TMPRSS15: variants seen among roughly 807,000 people sequenced by gnomAD.
TMPRSS15 encodes the protein enteropeptidase.
TMPRSS15 carries 128 observed loss-of-function variants against 125.3 expected under a neutral mutation model. That is an observed-to-expected ratio of 1.02 (90% confidence interval 0.89 to 1.18). The LOEUF (loss-of-function observed/expected upper bound fraction) is 1.18, where lower values mean the gene tolerates loss of function less well. TMPRSS15 is among the 50% of genes most tolerant of loss of function. The pLI is 0.00. For missense variants in TMPRSS15, 1,283 were observed against 1,212.7 expected, an observed-to-expected ratio of 1.06 and a Z score of -0.86; for synonymous variants, 446 against 423.2, an observed-to-expected ratio of 1.05 and a Z score of -0.66.
At chr21:18,275,779 T>C (rs1000686082) in intron 23 of TMPRSS15, among the ~76,000 whole-genome samples, 1 of 152,212 alleles carries the variant, frequency 6.6e-6, no homozygotes, top group Non-Finnish European at 1.5e-5. Flanking sequence ...TGGTGCTATG[T>C]GAGTGAGCAG....
intron 1 of TMPRSS15, among the ~76,000 whole-genome samples, chr21:18,482,901 A>G (rs1979009964): frequency 6.6e-6 from 1 of 151,788 alleles, no homozygotes; most frequent in Non-Finnish European, 1.5e-5. Context: ...ATTAATATGT[A>G]ACTATTTCCT....
intron 15 of TMPRSS15, 107 bp from the exon 16 acceptor site, chr21:18,326,679 A>G (rs2075294834): frequency 7.6e-7 from 1 of 1,322,772 alleles, no homozygotes; most frequent in African/African-American, 1.4e-5. Flanking sequence ...TACATGTTAC[A>G]TGGCTCGCTC....
rs549711427 is a variant in TMPRSS15, at chr21:18,296,176, T to A, written c.2262-1524A>T. ...TCAAAAAAAGAAAAAAAATAAAGAA[T>A]CAGCATATAGGTCAGTAGATTTTTA... is the stretch of plus-strand genomic sequence containing the variant. On this transcript the variant is annotated intron_variant, in intron 19 of 24. Coordinates refer to ENST00000284885, the MANE Select transcript of TMPRSS15 (RefSeq NM_002772.3). Among the ~76,000 whole-genome samples the A allele has an allele frequency of 1.1e-3, 173 of 152,122 alleles. 1 individual carries two copies. Among genetic ancestry groups the A allele is most frequent in the African/African-American group, 4.0e-3 (167 of 41,508 alleles).
chr21:18,419,450 C>T (rs2076187610), intron 1 of TMPRSS15, among the ~76,000 whole-genome samples: 1 of 152,116 alleles, frequency 6.6e-6, no homozygotes, highest in African/African-American at 2.4e-5. Context: ...TGGTCTCGAT[C>T]TCCTGACATC....
At chr21:18,482,772 A>T (rs1175318528) in intron 1 of TMPRSS15, among the ~76,000 whole-genome samples, 1 of 151,572 alleles carries the variant, frequency 6.6e-6, no homozygotes, top group East Asian at 1.9e-4. Flanking sequence ...TTTTCCTTAT[A>T]TTAGTCTAGG....
intron 21 of TMPRSS15, among the ~76,000 whole-genome samples, chr21:18,292,979 C>G (rs551843072): frequency 1.3e-5 from 2 of 152,162 alleles, no homozygotes; most frequent in Non-Finnish European, 2.9e-5. Context: ...TGGATAGAAT[C>G]AGAGAGAGCT....
chr21:18,449,280 T>G (rs968195487), intron 1 of TMPRSS15, among the ~76,000 whole-genome samples: 1 of 152,178 alleles, frequency 6.6e-6, no homozygotes, highest in Non-Finnish European at 1.5e-5. Context: ...TATTCAATCG[T>G]ATCTAATGCA....
At chr21:18,472,496 TACACAC>T (rs1402160101) in intron 1 of TMPRSS15, among the ~76,000 whole-genome samples, 1 of 147,466 alleles carries the variant, frequency 6.8e-6, no homozygotes, top group African/African-American at 2.6e-5. Context: ...CACACACACA[TACACAC>T]ACATATATAA....
At chr21:18,408,449 T>C (rs1443145671), upstream of TMPRSS15, among the ~76,000 whole-genome samples, 2 of 152,172 alleles carry the variant, frequency 1.3e-5, no homozygotes, top group Non-Finnish European at 2.9e-5. Context: ...AAAATACTTC[T>C]GGACATTTCA....
rs763467135 is a variant in TMPRSS15, at chr21:18,343,536, T to C, written c.1398A>G (p.Gln466=). 1.9e-6 allele frequency: 3 copies of C among 1,612,766 alleles called. No homozygotes were observed. Among genetic ancestry groups the C allele is most frequent in the Non-Finnish European group, 2.5e-6 (3 of 1,178,904 alleles). The part of the protein sequence containing the change: ...GNYGDNWNYG[Q]VTLNETVKFK... ...ATTTAACTGTTTCATTTAGGGTTAC[T>C]TGTCCATAATTCCAATTGTCTCCAT... Residue 466 remains glutamine, a synonymous_variant, in exon 12 of 25, where the codon CAA becomes CAG. Transcript: ENST00000284885.
chr21:18,384,033 T>G (rs1019463489), intron 3 of TMPRSS15, among the ~76,000 whole-genome samples: 1 of 152,186 alleles, frequency 6.6e-6, no homozygotes, highest in African/African-American at 2.4e-5. Context: ...TTTTCTGAGT[T>G]CCACGTTCAA....
In TMPRSS15 at chr21:18,423,688, T is replaced by C. The variant is rs545455753; in HGVS notation, c.11-25359A>G. ...ACCTCAGCCTCCCAAAGTGCTGGGA[T>C]GACAGGCCTGAGCCACCGCGCCCGG... On this transcript the variant is annotated intron_variant, in intron 1 of 7. Coordinates refer to the TMPRSS15 transcript ENST00000422787. 9.2e-5 allele frequency among the ~76,000 whole-genome samples: 14 copies of C among 151,418 alleles called. No individual in the cohort carries two copies. The East Asian group carries it at 2.7e-3, about 30-fold the overall frequency.
chr21:18,300,812 G>A (rs2074963876), intron 18 of TMPRSS15, among the ~76,000 whole-genome samples: 1 of 152,052 alleles, frequency 6.6e-6, no homozygotes, highest in South Asian at 2.1e-4. Flanking sequence ...TTAAACATAT[G>A]CCTATTCTAG....
At chr21:18,335,670 GATC>G (rs1408651263) in intron 13 of TMPRSS15, among the ~76,000 whole-genome samples, 1 of 152,166 alleles carries the variant, frequency 6.6e-6, no homozygotes, top group Non-Finnish European at 1.5e-5. Flanking sequence ...TGATAAAATA[GATC>G]AGTTACTCTC....
chr21:18,270,162 G>T (rs1443888035), intron 24 of TMPRSS15, 38 bp from the exon 25 acceptor site: 8 of 1,563,328 alleles, frequency 5.1e-6, no homozygotes, highest in Non-Finnish European at 7.0e-6. Flanking sequence ...GTAGATATGT[G>T]GTCAATTGAT....
chr21:18,281,184 C>G lies in TMPRSS15; in HGVS notation c.2524G>C (p.Gly842Arg). The part of the protein sequence containing the change: ...LEPSKWTAIL[G>R]LHMKSNLTSP... ...GTCAGATTTGATTTCATATGCAGGC[C>G]TAGGATTGCTGTCCACTTGGATGGC... is the stretch of plus-strand genomic sequence containing the variant. Residue 842 changes from glycine to arginine, a missense_variant, in exon 22 of 25, where the codon GGC (glycine) becomes CGC (arginine). Gly to Arg is a moderately radical substitution (Grantham distance 125). Transcript: ENST00000284885. The G allele has an allele frequency of 6.2e-7, 1 of 1,613,958 alleles. No homozygotes were observed. Among genetic ancestry groups the G allele is most frequent in the Non-Finnish European group, 8.5e-7 (1 of 1,179,988 alleles).
chr21:18,336,933 C>A (rs1218238756), intron 13 of TMPRSS15, among the ~76,000 whole-genome samples: 1 of 152,186 alleles, frequency 6.6e-6, no homozygotes, highest in African/African-American at 2.4e-5. Flanking sequence ...ATATGGCCAT[C>A]AATTTCAAGA....
chr21:18,409,342 A>G (rs1378666188), intron 1 of TMPRSS15, among the ~76,000 whole-genome samples: 1 of 152,094 alleles, frequency 6.6e-6, no homozygotes, highest in Non-Finnish European at 1.5e-5. Context: ...AATGTGATGT[A>G]CCTTTTTCAG....
At chr21:18,358,026 T>A (rs948641727) in intron 8 of TMPRSS15, among the ~76,000 whole-genome samples, 5 of 151,824 alleles carry the variant, frequency 3.3e-5, no homozygotes, top group African/African-American at 1.2e-4. Context: ...TATAACTACA[T>A]ATTCATTGAT....
Sources: allele counts gnomAD v4.1 joint callset (sites outside exome capture counted in the v4.1 genomes callset), GRCh38; gene constraint gnomAD v4.1.1; transcripts MANE v1.5; gene names NCBI Gene and HGNC (gene_info 2026-07-23, HGNC 2026-07-21).